Variants in PODXL observed in about 807,000 individuals in gnomAD.
PODXL encodes the protein podocalyxin.
In PODXL, 20 loss-of-function variants were observed where a neutral mutation model predicts 48.9. That is an observed-to-expected ratio of 0.41 (90% CI 0.29 to 0.59). The LOEUF is 0.59. PODXL is among the 20% of genes least tolerant of loss of function. The probability of loss-of-function intolerance (pLI) is 0.31; values close to 1 mark genes in which losing one functional copy is unlikely to be tolerated. For synonymous variants in PODXL, 295 were observed against 287.4 expected, an observed-to-expected ratio of 1.03 and a Z score of -0.27; for missense variants, 606 against 675.1, an observed-to-expected ratio of 0.90 and a Z score of 1.13.
Position 131,511,185 on chromosome 7 carries a change from T to G in PODXL, c.349A>C (p.Thr117Pro), listed in dbSNP as rs571188325. The G allele has an allele frequency of 3.1e-6, 5 of 1,614,050 alleles. No individual in the cohort carries two copies. Among genetic ancestry groups the G allele is most frequent in the Middle Eastern group, 1.6e-4 (1 of 6,062 alleles). ...CTCTTGGGGCTCTCGATGGTGGTAGTAGGGTTGCCTGAGCCGCCTCCTCTA... is the reference window on the plus strand; with the variant it reads ...CTCTTGGGGCTCTCGATGGTGGTAGGAGGGTTGCCTGAGCCGCCTCCTCTA... Reference protein sequence around the residue: ...VARGGGSGNPTTTIESPKSTK... With the variant: ...VARGGGSGNPPTTIESPKSTK... The change falls in exon 2 of 9, where the codon ACT becomes CCT. Residue 117 changes from threonine to proline, a missense_variant. Coordinates refer to ENST00000378555, the MANE Select transcript of PODXL (RefSeq NM_001018111.3).
chr7:131,544,353 C>T (rs967798086), intron 1 of PODXL, among the ~76,000 whole-genome samples: 11 of 152,236 alleles, frequency 7.2e-5, no homozygotes, highest in African/African-American at 2.4e-4. Context: ...GACCAGACTT[C>T]CAGATTCATC....
rs957179379 is a variant in PODXL at position 131,501,168 on chromosome 7, T to C, written c.*3143A>G. The stretch of plus-strand genomic sequence containing the variant: ...ACTTTATCATAAGTTTGTCTTGTTA[T>C]ATTTCATTTTTTGTTTAAAAAAAAA... On this transcript the variant is annotated 3_prime_UTR_variant, in exon 9 of 9. Transcript: ENST00000378555. The C allele has an allele frequency of 3.3e-5, 5 of 152,458 alleles. No individual in the cohort carries two copies. Among genetic ancestry groups the C allele is most frequent in the African/African-American group, 9.7e-5 (4 of 41,306 alleles). 9.4% of individuals were successfully genotyped at this position (152,458 alleles called of 1,614,324 possible). A position where few individuals can be genotyped will look rare whatever the true frequency, so the allele number is the denominator to read the frequency against.
intron 1 of PODXL, among the ~76,000 whole-genome samples, chr7:131,537,588 G>GCCCC (rs1562915018): frequency 8.3e-5 from 11 of 132,878 alleles, no homozygotes; most frequent in South Asian, 2.4e-4. Context: ...GCAAGACTCC[G>GCCCC]CCCCACCCCA....
intron 1 of PODXL, among the ~76,000 whole-genome samples, chr7:131,513,954 G>T (rs1356710075): frequency 6.6e-6 from 1 of 152,188 alleles, no homozygotes; most frequent in Non-Finnish European, 1.5e-5. Flanking sequence ...ACAAAGGGCA[G>T]TCAAAATTCT....
chr7:131,522,113 TC>T (rs1798101945), intron 1 of PODXL, among the ~76,000 whole-genome samples: 1 of 152,036 alleles, frequency 6.6e-6, no homozygotes, highest in Non-Finnish European at 1.5e-5. Flanking sequence ...CAGGAAATGG[TC>T]CCCTCCCCTG....
At position 131,523,742 on chromosome 7, in the gene PODXL, A is replaced by G. The variant is rs566610513; in HGVS notation, c.101-12309T>C. On this transcript the variant is annotated intron_variant, in intron 1 of 8. Transcript: ENST00000378555. ...GAAAAAGAAAAACCATATGATCAGC[A>G]GACTCCTCAACTCCATACAAGATTA... 2.6e-5 allele frequency among the ~76,000 whole-genome samples: 4 copies of G among 151,640 alleles called. No individual in the cohort carries two copies. The East Asian group carries it at 5.8e-4, about 22-fold the overall frequency.
chr7:131,546,980 C>T (rs1296606210), intron 1 of PODXL, among the ~76,000 whole-genome samples: 1 of 152,132 alleles, frequency 6.6e-6, no homozygotes, highest in Non-Finnish European at 1.5e-5. Flanking sequence ...AAAACCTGGC[C>T]CTGTGAGGTC....
rs1335010553 is a variant in PODXL at position 131,509,106 on chromosome 7, C to A, written c.1024-78G>T. On this transcript the variant is annotated intron_variant, in intron 4 of 8. Coordinates refer to ENST00000378555, the MANE Select transcript of PODXL (RefSeq NM_001018111.3). ...ACATTTCCCCCCAACTAAGGGGTGA[C>A]CCAGATAGGAAAGAGTTCACGGCAA... The A allele has an allele frequency of 1.4e-5, 18 of 1,269,228 alleles. 1 individual carries two copies. The South Asian group carries it at 2.1e-4, about 15-fold the overall frequency. The allele number at this position is 1,269,228 out of a possible 1,614,324, so 78.6% of individuals were successfully genotyped here.
chr7:131,509,138 G>T, intron 4 of PODXL, 110 bp from the exon 5 acceptor site: 1 of 1,040,264 alleles, frequency 9.6e-7, no homozygotes, highest in Non-Finnish European at 1.5e-6. Flanking sequence ...GCAAGCTGGA[G>T]GCATGGCTGG....
At chr7:131,529,873 TG>T (rs1271277515) in intron 1 of PODXL, among the ~76,000 whole-genome samples, 1 of 150,046 alleles carries the variant, frequency 6.7e-6, no homozygotes, top group Non-Finnish European at 1.5e-5. Context: ...TAGGTAAGCC[TG>T]CTTTGGCTGT....
Position 131,500,906 on chromosome 7 carries a change from C to T in PODXL, c.*3405G>A, listed in dbSNP as rs1797689719. 1 of 152,120 alleles carries T rather than the reference C, an allele frequency of 6.6e-6. No homozygotes were observed. Among genetic ancestry groups the T allele is most frequent in the African/African-American group, 2.4e-5 (1 of 41,420 alleles). 9.4% of individuals were successfully genotyped at this position (152,120 alleles called of 1,614,324 possible). On this transcript the variant is annotated 3_prime_UTR_variant, in exon 9 of 9. Transcript: ENST00000378555. ...GTTTTAATCTTGTTTCTGTCCTGAA[C>T]CATGTGATTTTGAGGAAGTCACTTC... is the stretch of plus-strand genomic sequence containing the variant.
In PODXL at chr7:131,506,641, C is replaced by G; in HGVS notation, c.1187G>C (p.Gly396Ala). The change falls in exon 6 of 9, where the codon GGC becomes GCC. Residue 396 changes from glycine to alanine, a missense_variant. By Grantham distance (60) the Gly-to-Ala change is moderately conservative. Coordinates refer to ENST00000378555, the MANE Select transcript of PODXL (RefSeq NM_001018111.3). ...ATFNPAQDKCGIRLASVPGSQ... is the reference protein window; with the variant it reads ...ATFNPAQDKCAIRLASVPGSQ... ...TCCTGGAACAGATGCCAGCCGTATGCCGCACTTATCTTGGGCCGGGTTGAA... is the reference window on the plus strand; with the variant it reads ...TCCTGGAACAGATGCCAGCCGTATGGCGCACTTATCTTGGGCCGGGTTGAA... 6.2e-7 allele frequency: 1 copy of G among 1,614,210 alleles called. No homozygotes were observed. Among genetic ancestry groups the G allele is most frequent in the Non-Finnish European group, 8.5e-7 (1 of 1,180,024 alleles).
At chr7:131,505,733 C>T in intron 8 of PODXL, 135 bp downstream of exon 8, 1 of 767,312 alleles carries the variant, frequency 1.3e-6, no homozygotes, top group South Asian at 1.9e-5. Flanking sequence ...GGCTGCCTAT[C>T]AGGGGTGGCC....
At chr7:131,551,987 C>A (rs1353113270) in intron 1 of PODXL, among the ~76,000 whole-genome samples, 2 of 152,040 alleles carry the variant, frequency 1.3e-5, no homozygotes, top group African/African-American at 4.8e-5. Flanking sequence ...GAGCCAGCTC[C>A]ACAGCAGCCA....
chr7:131,509,498 T>G lies in PODXL; in HGVS notation c.890A>C (p.Gln297Pro). Residue 297 changes from glutamine to proline, a missense_variant, in exon 4 of 9, where the codon CAG becomes CCG. Transcript: ENST00000378555. Reference protein sequence around the residue: ...STAPSSQETVQPTSPATALRT... With the variant: ...STAPSSQETVPPTSPATALRT... Reference sequence around the variant, plus strand: ...CAATGCCGTTGCCGGGCTCGTGGGCTGCACTGTCTCCTGGGAGGAAGGGGC... The same window carrying G: ...CAATGCCGTTGCCGGGCTCGTGGGCGGCACTGTCTCCTGGGAGGAAGGGGC... 6.2e-7 allele frequency: 1 copy of G among 1,613,192 alleles called. No homozygotes were observed. Among genetic ancestry groups the G allele is most frequent in the Non-Finnish European group, 8.5e-7 (1 of 1,179,340 alleles).
In PODXL at chr7:131,555,029, C is replaced by CGGCCACAGGAGGAT. The variant is rs1415038475; in HGVS notation, c.100+1217_100+1230dup. Among the ~76,000 whole-genome samples the CGGCCACAGGAGGAT allele has an allele frequency of 1.3e-4, 20 of 152,324 alleles. No individual in the cohort carries two copies. In the East Asian group the frequency reaches 3.1e-3, roughly 24 times the overall value. The stretch of plus-strand genomic sequence containing the variant: ...TAGTCAGGCTGGTGGAGTCTCCCGC[C>CGGCCACAGGAGGAT]GGCCACAGGAGGATGCCCACGCCTG... On this transcript the variant is annotated intron_variant, in intron 1 of 8. Coordinates refer to ENST00000378555, the MANE Select transcript of PODXL (RefSeq NM_001018111.3).
At chr7:131,514,833 T>C (rs1797967242) in intron 1 of PODXL, among the ~76,000 whole-genome samples, 1 of 152,108 alleles carries the variant, frequency 6.6e-6, no homozygotes, top group Non-Finnish European at 1.5e-5. Context: ...AGTCTCAAAC[T>C]TCTAGGCTCA....
In PODXL at chr7:131,500,411, G is replaced by C. The variant is rs756369962; in HGVS notation, c.*3900C>G. The C allele has an allele frequency of 6.6e-6, 1 of 152,622 alleles. No individual in the cohort carries two copies. The highest frequency in any genetic ancestry group is 2.1e-4 in the South Asian group (1 of 4,836). The allele number at this position is 152,622 out of a possible 1,614,324, so 9.5% of individuals were successfully genotyped here. On this transcript the variant is annotated 3_prime_UTR_variant, in exon 9 of 9. Transcript: ENST00000378555. Reference sequence around the variant, plus strand: ...TGTACTTCAGACCCCTGTCCACTAAGACATATATGATCCCCCAGTTCCTGG... The same window carrying C: ...TGTACTTCAGACCCCTGTCCACTAACACATATATGATCCCCCAGTTCCTGG...
intron 1 of PODXL, among the ~76,000 whole-genome samples, chr7:131,546,606 A>AT (rs1798579333): frequency 6.6e-6 from 1 of 151,800 alleles, no homozygotes; most frequent in South Asian, 2.1e-4. Context: ...GGTGCCTGTA[A>AT]TCCCAACTAT....
Sources: gnomAD v4.1 joint callset for allele counts (sites outside exome capture counted in the v4.1 genomes callset) on GRCh38, gnomAD v4.1.1 for gene constraint, MANE v1.5 for transcripts, NCBI Gene and HGNC (gene_info 2026-07-23, HGNC 2026-07-21) for gene names.